Variants in PLEKHA7 observed in about 807,000 individuals in gnomAD.
PLEKHA7 encodes the protein pleckstrin homology domain containing A7, also known as pleckstrin homology domain-containing family A member 7.
A neutral mutation model predicts 170.0 loss-of-function variants in PLEKHA7; 104 were observed. That is an observed-to-expected ratio of 0.61 (90% CI 0.52 to 0.72). The LOEUF (loss-of-function observed/expected upper bound fraction) is 0.72, where lower values mean the gene tolerates loss of function less well. PLEKHA7 is among the 30% of genes least tolerant of loss of function. The pLI is 0.00. For missense variants in PLEKHA7, 1,615 were observed against 1,671.7 expected, an observed-to-expected ratio of 0.97 and a Z score of 0.59; for synonymous variants, 648 against 660.8, an observed-to-expected ratio of 0.98 and a Z score of 0.30.
intron 3 of PLEKHA7, among the ~76,000 whole-genome samples, chr11:17,006,470 T>C: frequency 1.2e-5 from 1 of 84,154 alleles, no homozygotes; most frequent in East Asian, 2.8e-3. Context: ...GTACTAAAAA[T>C]ACAAAAAAAT....
intron 3 of PLEKHA7, among the ~76,000 whole-genome samples, chr11:16,998,720 T>C (rs1043453234): frequency 3.3e-5 from 5 of 152,070 alleles, no homozygotes; most frequent in Non-Finnish European, 7.4e-5. Flanking sequence ...CCTCCATAAG[T>C]GGATATAATT....
intron 9 of PLEKHA7, among the ~76,000 whole-genome samples, chr11:16,826,888 C>T (rs879879731): frequency 6.6e-6 from 1 of 152,204 alleles, no homozygotes; most frequent in Non-Finnish European, 1.5e-5. Flanking sequence ...ATCTAGCTCC[C>T]AAATAAACTA....
intron 13 of PLEKHA7, among the ~76,000 whole-genome samples, chr11:16,809,705 T>C (rs1590189457): frequency 6.6e-6 from 1 of 152,346 alleles, no homozygotes; most frequent in Non-Finnish European, 1.5e-5. Flanking sequence ...TGTACCCTAG[T>C]GACGGGAAGT....
chr11:16,888,227 G>A (rs1248951762), intron 3 of PLEKHA7, among the ~76,000 whole-genome samples: 5 of 151,826 alleles, frequency 3.3e-5, no homozygotes, highest in African/African-American at 7.3e-5. Flanking sequence ...AGACAGGAGC[G>A]CCTCCACCCA....
intron 3 of PLEKHA7, among the ~76,000 whole-genome samples, chr11:16,931,763 C>T (rs1433963857): frequency 3.4e-5 from 5 of 146,280 alleles, no homozygotes; most frequent in African/African-American, 1.3e-4. Context: ...CATCCCCCCC[C>T]CCCCAAAAAA....
At chr11:16,986,524 T>C (rs1469828488) in intron 3 of PLEKHA7, among the ~76,000 whole-genome samples, 1 of 152,076 alleles carries the variant, frequency 6.6e-6, no homozygotes, top group Non-Finnish European at 1.5e-5. Context: ...GTCACCAAAG[T>C]GGGGACCCTA....
At chr11:16,840,110 C>T (rs765445616) in intron 9 of PLEKHA7, among the ~76,000 whole-genome samples, 4 of 152,096 alleles carry the variant, frequency 2.6e-5, no homozygotes, top group Non-Finnish European at 2.9e-5. Flanking sequence ...CCAAAATTGA[C>T]GTAGTTACTG....
chr11:16,839,157 T>C (rs1268480131), intron 9 of PLEKHA7, among the ~76,000 whole-genome samples: 3 of 152,136 alleles, frequency 2.0e-5, no homozygotes, highest in Admixed American at 6.5e-5. Flanking sequence ...CATTATGAAA[T>C]ACCATATGAG....
chr11:16,907,279 C>T (rs1403185343), intron 3 of PLEKHA7, among the ~76,000 whole-genome samples: 1 of 144,802 alleles, frequency 6.9e-6, no homozygotes, highest in African/African-American at 2.6e-5. Context: ...GCCCCCCGCC[C>T]GGCCAGCCGC....
At chr11:16,947,253 T>C (rs1861085784) in intron 3 of PLEKHA7, among the ~76,000 whole-genome samples, 1 of 152,122 alleles carries the variant, frequency 6.6e-6, no homozygotes, top group East Asian at 1.9e-4. Context: ...GGAATGTAAA[T>C]TCGTACAGCC....
rs115562482 is a variant in PLEKHA7, at chr11:16,848,687, C to T, written c.696+2504G>A. 4.1e-3 allele frequency among the ~76,000 whole-genome samples: 627 copies of T among 152,294 alleles called. 7 individuals carry two copies. Among genetic ancestry groups the T allele is most frequent in the African/African-American group, 0.015 (604 of 41,552 alleles). On this transcript the variant is annotated intron_variant, in intron 8 of 26. Coordinates refer to ENST00000531066, the MANE Select transcript of PLEKHA7 (RefSeq NM_001329630.2). ...GTTATGAAGATATCTATGGTTTCTA[C>T]TGGTGACCAAGTCACAGGTACTGCT...
At chr11:16,820,434 G>A (rs1185205246) in intron 10 of PLEKHA7, among the ~76,000 whole-genome samples, 2 of 152,082 alleles carry the variant, frequency 1.3e-5, no homozygotes, top group African/African-American at 2.4e-5. Flanking sequence ...CCTACTTGTC[G>A]TGCCTGCCAA....
rs146637900 is a variant in PLEKHA7, at chr11:16,791,632, G to A, written c.2746-433C>T. ...CACTCAGCAGTGCTCAGCCTGAGCC[G>A]GCTCATTGGCCCTACACGAGCTCTG... On this transcript the variant is annotated intron_variant, in intron 19 of 26. Transcript: ENST00000531066. This position sits in a 1 kb window ranked among gnomAD's most constrained non-coding sequence, Gnocchi z 4.5. 621 of 461,096 alleles carry A rather than the reference G, an allele frequency of 1.3e-3. 9 individuals carry two copies. The highest frequency in any genetic ancestry group is 9.4e-3 in the South Asian group (606 of 64,596). The allele number at this position is 461,096 out of a possible 1,614,324, so 28.6% of individuals were successfully genotyped here.
chr11:16,847,673 T>TACA (rs1382897820), intron 8 of PLEKHA7, among the ~76,000 whole-genome samples: 3 of 151,642 alleles, frequency 2.0e-5, no homozygotes, highest in South Asian at 4.2e-4. Flanking sequence ...CTACTAAAAA[T>TACA]ACAACAACAA....
intron 19 of PLEKHA7, among the ~76,000 whole-genome samples, chr11:16,792,532 TAAA>T (rs5789963): frequency 7.3e-6 from 1 of 136,140 alleles, no homozygotes; most frequent in Non-Finnish European, 1.6e-5. Context: ...GTACTAAAAT[TAAA>T]AAAAAAAAAA....
At chr11:17,001,890 G>A (rs2137045797) in intron 3 of PLEKHA7, among the ~76,000 whole-genome samples, 1 of 152,336 alleles carries the variant, frequency 6.6e-6, no homozygotes, top group African/African-American at 2.4e-5. Context: ...GCTCTGTCTT[G>A]GCAAAAAAGC....
rs377469580 is a variant in PLEKHA7 at position 16,789,218 on chromosome 11, G to A, written c.3235C>T (p.Arg1079Cys). 87 of 1,613,538 alleles carry A rather than the reference G, an allele frequency of 5.4e-5. 1 individual carries two copies. The Middle Eastern group carries it at 1.3e-3, about 25-fold the overall frequency. ...AGGGCCTTCTGGTGTCGCTTCATGC[G>A]CTCCAGCTGCTCCTCTGCACTCATC... ...GKMSAEEQLE[R>C]MKRHQKALVR... is the part of the protein sequence containing the mutation. The change falls in exon 23 of 27, where the codon CGC (arginine) becomes TGC (cysteine). Residue 1079 changes from arginine to cysteine, a missense_variant. Physicochemically the swap from Arg to Cys is radical, Grantham distance 180. Coordinates refer to ENST00000531066, the MANE Select transcript of PLEKHA7 (RefSeq NM_001329630.2). The surrounding 1 kb of genome is among the most constrained non-coding windows in gnomAD (Gnocchi z 4.6).
At chr11:16,793,502 T>C (rs912479897) in intron 19 of PLEKHA7, among the ~76,000 whole-genome samples, 4 of 152,224 alleles carry the variant, frequency 2.6e-5, no homozygotes, top group African/African-American at 9.6e-5. Context: ...TCATGTGTTT[T>C]ACCCAGCACT....
intron 8 of PLEKHA7, among the ~76,000 whole-genome samples, chr11:16,843,014 C>T (rs1228849281): frequency 6.6e-6 from 1 of 152,194 alleles, no homozygotes; most frequent in Non-Finnish European, 1.5e-5. Flanking sequence ...TTATTACCTG[C>T]TTATCATCTG....
Sources: gnomAD v4.1 joint callset for allele counts (sites outside exome capture counted in the v4.1 genomes callset) on GRCh38, gnomAD v4.1.1 for gene constraint, Gnocchi (gnomAD v3.1) non-coding constraint, MANE v1.5 for transcripts, NCBI Gene and HGNC (gene_info 2026-07-23, HGNC 2026-07-21) for gene names.